Variants in CSMD3 observed in about 807,000 individuals in gnomAD.
The protein encoded by CSMD3 is CUB and Sushi multiple domains 3.
In CSMD3, 177 loss-of-function variants were observed where a neutral mutation model predicts 435.2. That is an observed-to-expected ratio of 0.41 (90% CI 0.36 to 0.46). CSMD3 has a LOEUF of 0.46. Among genes scored for constraint, CSMD3 ranks in the 20% least tolerant of loss-of-function variants. The probability of loss-of-function intolerance (pLI) is 0.34; values close to 1 mark genes in which losing one functional copy is unlikely to be tolerated. For synonymous variants in CSMD3, 1,656 were observed against 1,520.5 expected (o/e 1.09, Z -2.07); for missense variants, 4,265 against 4,504.6 (o/e 0.95, Z 1.52).
intron 7 of CSMD3, among the ~76,000 whole-genome samples, chr8:112,973,781 T>C (rs993595450): frequency 1.3e-5 from 2 of 151,950 alleles, no homozygotes; most frequent in Non-Finnish European, 1.5e-5. Context: ...TAGAGTGTAA[T>C]AGATAAGTAG....
chr8:113,391,910 G>A (rs997841787), intron 1 of CSMD3, among the ~76,000 whole-genome samples: 1 of 152,046 alleles, frequency 6.6e-6, no homozygotes, highest in Non-Finnish European at 1.5e-5. Context: ...TATAGATGCA[G>A]CTGCTAACAT....
rs927520036 is a variant in CSMD3, at chr8:112,712,800, A to T, written c.1973-22750T>A. Among the ~76,000 whole-genome samples, 96 of 152,034 alleles carry T rather than the reference A, an allele frequency of 6.3e-4. 1 individual carries two copies. The highest frequency in any genetic ancestry group is 1.0e-3 in the Non-Finnish European group (68 of 67,962). ...AGACTGTGTAGAATCAAAAATAAAA[A>T]AAAAAAAAAAGAGCCTGAAGTTTCT... On this transcript the variant is annotated intron_variant, in intron 13 of 70. Coordinates refer to ENST00000297405, the MANE Select transcript of CSMD3 (RefSeq NM_198123.2).
chr8:113,204,421 T>C (rs2092748812), intron 3 of CSMD3, among the ~76,000 whole-genome samples: 1 of 152,034 alleles, frequency 6.6e-6, no homozygotes, highest in African/African-American at 2.4e-5. Flanking sequence ...ACATTCTTTA[T>C]CACAAAACAA....
At chr8:112,901,388 C>T (rs1338017288) in intron 10 of CSMD3, among the ~76,000 whole-genome samples, 2 of 151,126 alleles carry the variant, frequency 1.3e-5, no homozygotes, top group East Asian at 2.0e-4. Context: ...GAACAATCTC[C>T]CATGAGAAAC....
intron 67 of CSMD3, among the ~76,000 whole-genome samples, chr8:112,236,053 A>C (rs1390157681): frequency 6.6e-6 from 1 of 151,978 alleles, no homozygotes; most frequent in Admixed American, 6.6e-5. Context: ...TAAGGTAATT[A>C]TATGTATTTT....
chr8:112,562,338 A>T (rs1828701135), intron 24 of CSMD3, among the ~76,000 whole-genome samples: 1 of 151,774 alleles, frequency 6.6e-6, no homozygotes, highest in African/African-American at 2.4e-5. Flanking sequence ...AAATGTAATA[A>T]AATATATTTT....
At chr8:113,371,570 T>C (rs932633289) in intron 1 of CSMD3, among the ~76,000 whole-genome samples, 1 of 152,180 alleles carries the variant, frequency 6.6e-6, no homozygotes, top group Non-Finnish European at 1.5e-5. Context: ...ACTGCTCAGA[T>C]GGCAATTGCC....
chr8:113,181,403 C>A (rs993741440), intron 3 of CSMD3, among the ~76,000 whole-genome samples: 1 of 151,920 alleles, frequency 6.6e-6, no homozygotes, highest in Non-Finnish European at 1.5e-5. Context: ...ACTGGCACTA[C>A]AGAAAAATAT....
At chr8:113,221,787 T>C (rs1000048905) in intron 3 of CSMD3, among the ~76,000 whole-genome samples, 2 of 151,352 alleles carry the variant, frequency 1.3e-5, no homozygotes, top group African/African-American at 4.8e-5. Flanking sequence ...TCTTCCAAAA[T>C]GGCACTCACC....
At chr8:112,270,065 T>C (rs564630186) in intron 59 of CSMD3, among the ~76,000 whole-genome samples, 1 of 152,134 alleles carries the variant, frequency 6.6e-6, no homozygotes, top group Non-Finnish European at 1.5e-5. Flanking sequence ...TTATGAGGCA[T>C]ACTTTTAGAG....
chr8:112,735,147 A>G (rs1303272663), intron 13 of CSMD3, among the ~76,000 whole-genome samples: 2 of 152,060 alleles, frequency 1.3e-5, no homozygotes, highest in Non-Finnish European at 2.9e-5. Context: ...AAATAATAAA[A>G]ATAATGTATA....
At chr8:112,270,349 T>TGA (rs1817360287) in intron 59 of CSMD3, among the ~76,000 whole-genome samples, 1 of 42,514 alleles carries the variant, frequency 2.4e-5, no homozygotes, top group African/African-American at 2.4e-4. Flanking sequence ...GGTGAGTGTG[T>TGA]GTGTGTGTGT....
At chr8:113,153,612 G>A (rs1431276237) in intron 4 of CSMD3, among the ~76,000 whole-genome samples, 1 of 152,028 alleles carries the variant, frequency 6.6e-6, no homozygotes, top group East Asian at 1.9e-4. Flanking sequence ...ACATAAGAGA[G>A]GGTTTCTATT....
chr8:112,885,316 A>G (rs2081558449), intron 10 of CSMD3, among the ~76,000 whole-genome samples: 1 of 151,574 alleles, frequency 6.6e-6, no homozygotes, highest in African/African-American at 2.4e-5. Flanking sequence ...AGAAAGATTG[A>G]GCTGCAATAG....
intron 6 of CSMD3, among the ~76,000 whole-genome samples, chr8:113,010,765 AG>A (rs1446413723): frequency 6.6e-6 from 1 of 151,708 alleles, no homozygotes; most frequent in Admixed American, 6.6e-5. Context: ...AAAATTGCAA[AG>A]GTAAGCATTA....
At chr8:113,011,653 TA>T (rs1482891945) in intron 6 of CSMD3, among the ~76,000 whole-genome samples, 1 of 151,800 alleles carries the variant, frequency 6.6e-6, no homozygotes, top group Non-Finnish European at 1.5e-5. Context: ...ACTTAGATTT[TA>T]AATTAAATTA....
chr8:112,610,231 C>T (rs150494944), intron 22 of CSMD3, among the ~76,000 whole-genome samples: 447 of 152,132 alleles, frequency 2.9e-3, no homozygotes, highest in Non-Finnish European at 4.6e-3. Context: ...AGCTTGATTA[C>T]TGCAATCATT....
intron 13 of CSMD3, among the ~76,000 whole-genome samples, chr8:112,793,846 T>C (rs2078755386): frequency 6.6e-6 from 1 of 152,204 alleles, no homozygotes; most frequent in African/African-American, 2.4e-5. Flanking sequence ...GTTCACTGTG[T>C]ATGGAGAAAC....
At chr8:113,113,953 A>C (rs1049440228) in intron 4 of CSMD3, among the ~76,000 whole-genome samples, 2 of 152,186 alleles carry the variant, frequency 1.3e-5, no homozygotes, top group Non-Finnish European at 2.9e-5. Context: ...TTGCAGAATC[A>C]TCATATACAT....
Sources: gnomAD v4.1 joint callset for allele counts (sites outside exome capture counted in the v4.1 genomes callset) on GRCh38, gnomAD v4.1.1 for gene constraint, MANE v1.5 for transcripts, NCBI Gene and HGNC (gene_info 2026-07-23, HGNC 2026-07-21) for gene names.